The following NAV2 variants were observed in gnomAD, a reference collection of about 807,000 sequenced individuals.
NAV2 encodes helicase, APC down-regulated 1.
NAV2 carries 54 observed loss-of-function variants against 223.2 expected under a neutral mutation model. That is an observed-to-expected ratio of 0.24 (90% CI 0.19 to 0.30). The LOEUF is 0.30. Ranked by LOEUF, NAV2 falls within the 10% of genes least tolerant of loss-of-function variation. NAV2 has a pLI of 1.00. For missense variants in NAV2, 2,806 were observed against 3,147.5 expected (o/e 0.89, Z 2.60); for synonymous variants, 1,279 against 1,239.3 (o/e 1.03, Z -0.67).
intron 11 of NAV2, among the ~76,000 whole-genome samples, chr11:19,995,737 T>G (rs1206916466): frequency 6.6e-6 from 1 of 152,230 alleles, no homozygotes; most frequent in Non-Finnish European, 1.5e-5. Flanking sequence ...TAATTGGAGC[T>G]TCACCAAAAT....
upstream of NAV2, among the ~76,000 whole-genome samples, chr11:19,348,925 C>CA (rs1362695747): frequency 6.6e-6 from 1 of 152,188 alleles, no homozygotes; most frequent in Non-Finnish European, 1.5e-5. Flanking sequence ...GCCAGTTTGT[C>CA]AGAGTTCACT....
In NAV2 at chr11:19,790,208, G is replaced by T. The variant is rs560210776; in HGVS notation, c.268-42276G>T. On this transcript the variant is annotated intron_variant, in intron 1 of 37. Transcript: ENST00000349880. ...CAGTAACCTCAGCCCACATTTTCAT[G>T]GATTTCATGGTCTTCCTCTGGAAGG... 8.1e-4 allele frequency among the ~76,000 whole-genome samples: 124 copies of T among 152,240 alleles called. 1 individual carries two copies. Among genetic ancestry groups the T allele is most frequent in the African/African-American group, 2.8e-3 (115 of 41,548 alleles).
At chr11:19,986,863 A>G (rs1403605253) in intron 11 of NAV2, among the ~76,000 whole-genome samples, 2 of 152,248 alleles carry the variant, frequency 1.3e-5, no homozygotes, top group Non-Finnish European at 2.9e-5. Context: ...AAGTTGAAAT[A>G]GTACATTTGT....
intron 11 of NAV2, among the ~76,000 whole-genome samples, chr11:20,032,182 G>A (rs1207434835): frequency 6.6e-6 from 1 of 152,164 alleles, no homozygotes; most frequent in South Asian, 2.1e-4. Context: ...GGCAAATATC[G>A]AGGCTGCCCT....
chr11:20,062,617 T>C (rs1380335042), intron 20 of NAV2, among the ~76,000 whole-genome samples: 1 of 152,248 alleles, frequency 6.6e-6, no homozygotes, highest in Non-Finnish European at 1.5e-5. Flanking sequence ...GTGAGAAGCC[T>C]TGGCCACCTG....
In NAV2 at chr11:20,048,990, A is replaced by C; in HGVS notation, c.4165A>C (p.Ser1389Arg). 6.2e-7 allele frequency: 1 copy of C among 1,614,160 alleles called. No homozygotes were observed. Among genetic ancestry groups the C allele is most frequent in the Non-Finnish European group, 8.5e-7 (1 of 1,180,022 alleles). The stretch of plus-strand genomic sequence containing the variant: ...CAGCCTCACCTGGGGCACCAACGCC[A>C]GCAGCTCCTCCGCAGTTAGCAAGGA... ...SNSLTWGTNA[S>R]SSSAVSKDGL... Residue 1389 changes from serine (S) to arginine (R), a missense_variant, in exon 15 of 38, where the codon AGC becomes CGC. Physicochemically the swap from Ser to Arg is moderately radical, Grantham distance 110 (BLOSUM62 -1). Around this residue, in one of 4 missense-constraint regions of NAV2, gnomAD observed 742 missense variants for 777.9 expected, o/e 0.95. Transcript: ENST00000349880.
chr11:19,397,469 G>T (rs1849508777), intron 1 of NAV2, among the ~76,000 whole-genome samples: 1 of 150,194 alleles, frequency 6.7e-6, no homozygotes. Flanking sequence ...CTCCTGAAAG[G>T]GGCTGTAAAC....
At chr11:20,018,444 A>G (rs1006129902) in intron 11 of NAV2, among the ~76,000 whole-genome samples, 42 of 151,914 alleles carry the variant, frequency 2.8e-4, no homozygotes, top group African/African-American at 8.9e-4. Context: ...GACAGGATTC[A>G]GGGGATCAGT....
At chr11:19,855,503 G>A (rs2061365896) in intron 3 of NAV2, among the ~76,000 whole-genome samples, 1 of 152,152 alleles carries the variant, frequency 6.6e-6, no homozygotes, top group African/African-American at 2.4e-5. Context: ...TTGGGTGAGA[G>A]GGCTCCCACA....
chr11:20,107,574 C>A, intron 35 of NAV2, 90 bp from the exon 36 acceptor site: 1 of 1,006,810 alleles, frequency 9.9e-7, no homozygotes, highest in Middle Eastern at 2.3e-4. Flanking sequence ...TAGGGTCCCT[C>A]CTGTGAAGGG....
chr11:19,891,537 C>A (rs921240294), intron 5 of NAV2, among the ~76,000 whole-genome samples: 6 of 152,072 alleles, frequency 3.9e-5, no homozygotes, highest in African/African-American at 1.4e-4. Flanking sequence ...GTCTTTAGGC[C>A]AACAAATTCC....
upstream of NAV2, among the ~76,000 whole-genome samples, chr11:19,346,722 G>A (rs924394546): frequency 6.6e-6 from 1 of 152,244 alleles, no homozygotes; most frequent in Non-Finnish European, 1.5e-5. Flanking sequence ...TGGCTTAGCA[G>A]AAGTGGCCGG....
chr11:19,778,326 G>A, intron 1 of NAV2: 1 of 455,794 alleles, frequency 2.2e-6, no homozygotes, highest in Non-Finnish European at 4.4e-6. Context: ...TTGGATGTTA[G>A]TTTCCTTCTC....
intron 11 of NAV2, among the ~76,000 whole-genome samples, chr11:20,004,556 G>A (rs1179807598): frequency 6.6e-6 from 1 of 152,098 alleles, no homozygotes; most frequent in Non-Finnish European, 1.5e-5. Flanking sequence ...GGGCAGTTTT[G>A]GTATTCTGAT....
intron 6 of NAV2, among the ~76,000 whole-genome samples, chr11:19,902,632 T>C (rs1488566486): frequency 6.6e-6 from 1 of 152,238 alleles, no homozygotes; most frequent in Non-Finnish European, 1.5e-5. Context: ...CTTGCTTCCA[T>C]CTGTTACGTG....
chr11:20,068,151 T>C (rs962499796), intron 20 of NAV2, 35 bp from the exon 21 acceptor site: 17 of 1,607,410 alleles, frequency 1.1e-5, no homozygotes, highest in Non-Finnish European at 1.4e-5. Flanking sequence ...CTTTGTTCCT[T>C]AACTGGTCTA....
chr11:19,600,933 T>A (rs953075641), intron 1 of NAV2, among the ~76,000 whole-genome samples: 11 of 152,194 alleles, frequency 7.2e-5, no homozygotes, highest in African/African-American at 2.4e-4. Flanking sequence ...CCATGTGACT[T>A]TGTAATCATT....
chr11:19,922,428 C>A (rs569236006), intron 6 of NAV2, among the ~76,000 whole-genome samples: 1 of 152,142 alleles, frequency 6.6e-6, no homozygotes, highest in Non-Finnish European at 1.5e-5. Flanking sequence ...GGGTCATCCT[C>A]GTCCTTTAGG....
chr11:19,984,099 T>A, intron 10 of NAV2, 26 bp from the exon 11 acceptor site: 1 of 1,613,912 alleles, frequency 6.2e-7, no homozygotes, highest in Non-Finnish European at 8.5e-7. Flanking sequence ...GACATTCATG[T>A]GCATCATCTT....
Sources: allele counts gnomAD v4.1 joint callset (sites outside exome capture counted in the v4.1 genomes callset), GRCh38; gene constraint gnomAD v4.1.1; regional missense constraint gnomAD v4.1.1; transcripts MANE v1.5; gene names NCBI Gene and HGNC (gene_info 2026-07-23, HGNC 2026-07-21).